Variants in BBS9 observed in about 807,000 individuals in gnomAD.
BBS9 encodes Bardet-Biedl syndrome 9, also known as protein PTHB1.
BBS9 carries 89 observed loss-of-function variants against 117.7 expected under a neutral mutation model. The ratio of observed to expected loss-of-function variants is 0.76; its 90% CI spans 0.64 to 0.90. The LOEUF is 0.90. BBS9 is among the 40% of genes least tolerant of loss of function. The pLI is 0.00. For missense variants in BBS9, 982 were observed against 1,042.2 expected, an observed-to-expected ratio of 0.94 and a Z score of 0.80; for synonymous variants, 379 against 370.9, an observed-to-expected ratio of 1.02 and a Z score of -0.25.
intron 16 of BBS9, among the ~76,000 whole-genome samples, chr7:33,361,635 A>G (rs2062144342): frequency 6.6e-6 from 1 of 152,282 alleles, no homozygotes; most frequent in East Asian, 1.9e-4. Flanking sequence ...TTCATTTTTA[A>G]CTTGAATTTC....
intron 21 of BBS9, among the ~76,000 whole-genome samples, chr7:33,634,100 C>T (rs117658215): frequency 0.017 from 2,575 of 152,334 alleles, 41 homozygotes; most frequent in South Asian, 0.091. Context: ...ATCTTCCTCA[C>T]GCAGGCCCGT....
At chr7:33,213,322 G>T (rs979624322) in intron 5 of BBS9, among the ~76,000 whole-genome samples, 2 of 152,146 alleles carry the variant, frequency 1.3e-5, no homozygotes, top group Non-Finnish European at 2.9e-5. Flanking sequence ...TAAAGTCCAA[G>T]GTCTCTTCAG....
chr7:33,187,939 A>G (rs1485427136), intron 5 of BBS9, among the ~76,000 whole-genome samples: 1 of 152,040 alleles, frequency 6.6e-6, no homozygotes, highest in African/African-American at 2.4e-5. Flanking sequence ...GAAAAAAGAC[A>G]GTTTATGTTC....
intron 5 of BBS9, among the ~76,000 whole-genome samples, chr7:33,195,346 C>G (rs1226350012): frequency 3.3e-5 from 5 of 152,100 alleles, no homozygotes; most frequent in Non-Finnish European, 7.4e-5. Flanking sequence ...ATTATTCTAG[C>G]CAACTTCTAA....
intron 9 of BBS9, among the ~76,000 whole-genome samples, chr7:33,313,389 T>C (rs1809737415): frequency 6.6e-6 from 1 of 152,224 alleles, no homozygotes; most frequent in African/African-American, 2.4e-5. Flanking sequence ...TTTATAAACA[T>C]ATTTTGCTTC....
Position 33,384,413 on chromosome 7 carries a change from A to G in BBS9, c.1962+575A>G, listed in dbSNP as rs868302424. On this transcript the variant is annotated intron_variant, in intron 18 of 22. Transcript: ENST00000242067. ...TTCTTTGGAAGTGCCTTCAGAGCCT[A>G]TGTTAGATTCTCTTGAGTATTTCAA... Among the ~76,000 whole-genome samples the G allele has an allele frequency of 7.9e-5, 12 of 152,280 alleles. 1 individual carries two copies. The Middle Eastern group carries it at 0.014, about 173-fold the overall frequency.
intron 19 of BBS9, among the ~76,000 whole-genome samples, chr7:33,413,608 T>C (rs1007699175): frequency 6.6e-6 from 1 of 152,192 alleles, no homozygotes; most frequent in African/African-American, 2.4e-5. Context: ...TGGTCTTGTC[T>C]TACAAGACCA....
At chr7:33,378,089 A>G (rs1174663080) in intron 17 of BBS9, among the ~76,000 whole-genome samples, 1 of 152,310 alleles carries the variant, frequency 6.6e-6, no homozygotes, top group African/African-American at 2.4e-5. Context: ...TACCATTAGT[A>G]CTATCCACTG....
chr7:33,392,954 C>T (rs1242307472), intron 19 of BBS9, among the ~76,000 whole-genome samples: 2 of 151,966 alleles, frequency 1.3e-5, no homozygotes, highest in South Asian at 4.1e-4. Flanking sequence ...TCCCTTGAGC[C>T]CAGGAGTTTG....
intron 19 of BBS9, among the ~76,000 whole-genome samples, chr7:33,406,228 C>CT (rs1365170637): frequency 6.6e-6 from 1 of 152,050 alleles, no homozygotes; most frequent in African/African-American, 2.4e-5. Context: ...AATTTCTGTT[C>CT]TTTTACATTT....
rs116004828 is a variant in BBS9 at position 33,236,849 on chromosome 7, G to A, written c.443-20387G>A. On this transcript the variant is annotated intron_variant, in intron 5 of 22. Transcript: ENST00000242067. ...CATTATTATTAACTGTGGTCACTGCGCAGTACAATAGATCATTAAAACTTA... is the reference window on the plus strand; with the variant it reads ...CATTATTATTAACTGTGGTCACTGCACAGTACAATAGATCATTAAAACTTA... Among the ~76,000 whole-genome samples, 1,187 of 151,908 alleles carry A rather than the reference G, an allele frequency of 7.8e-3. 19 individuals are homozygous for A. Among genetic ancestry groups the A allele is most frequent in the African/African-American group, 0.027 (1,130 of 41,454 alleles).
chr7:33,174,606 C>G (rs771220260), intron 4 of BBS9, among the ~76,000 whole-genome samples: 1 of 152,126 alleles, frequency 6.6e-6, no homozygotes, highest in Admixed American at 6.5e-5. Flanking sequence ...GGCCAAAACT[C>G]GATGATTGGC....
chr7:33,171,972 T>C (rs1796645036), intron 4 of BBS9, among the ~76,000 whole-genome samples: 1 of 151,648 alleles, frequency 6.6e-6, no homozygotes, highest in Admixed American at 6.6e-5. Context: ...CTGTGAAGAC[T>C]ATATCTGGAG....
intron 5 of BBS9, among the ~76,000 whole-genome samples, chr7:33,214,710 C>G (rs1354285044): frequency 6.6e-6 from 1 of 152,110 alleles, no homozygotes; most frequent in African/African-American, 2.4e-5. Context: ...GCCACACACA[C>G]AAAACAGAAA....
At chr7:33,577,613 T>C (rs1859143400) in intron 21 of BBS9, among the ~76,000 whole-genome samples, 3 of 152,232 alleles carry the variant, frequency 2.0e-5, no homozygotes, top group Admixed American at 1.3e-4. Flanking sequence ...GTATGTTTAT[T>C]GTGGCACTAT....
chr7:33,180,098 T>C (rs1167464269), intron 5 of BBS9, among the ~76,000 whole-genome samples: 1 of 152,140 alleles, frequency 6.6e-6, no homozygotes, highest in Non-Finnish European at 1.5e-5. Flanking sequence ...AAGTCACCTT[T>C]AGTTACCTGT....
Position 33,520,014 on chromosome 7 carries a change from T to A in BBS9, c.2299-13940T>A, listed in dbSNP as rs1186772545. The stretch of plus-strand genomic sequence containing the variant: ...GCACATAAGAGGTCTGAAATAGGTT[T>A]TTTTTTTTTTTTTGGATGGAGTCTT... On this transcript the variant is annotated intron_variant, in intron 20 of 22. Transcript: ENST00000242067. 4.0e-5 allele frequency among the ~76,000 whole-genome samples: 6 copies of A among 151,316 alleles called. No homozygotes were observed. The East Asian group carries it at 1.2e-3, about 29-fold the overall frequency.
At chr7:33,526,984 C>T (rs1234089877) in intron 20 of BBS9, among the ~76,000 whole-genome samples, 1 of 148,950 alleles carries the variant, frequency 6.7e-6, no homozygotes, top group Non-Finnish European at 1.5e-5. Context: ...CCCTCAGCTG[C>T]AGGTCTGTTG....
chr7:33,489,571 T>C (rs1843622758), intron 19 of BBS9, among the ~76,000 whole-genome samples: 1 of 152,138 alleles, frequency 6.6e-6, no homozygotes, highest in South Asian at 2.1e-4. Flanking sequence ...AATCAACTTC[T>C]GATATACCAG....
Sources: gnomAD v4.1 joint callset for allele counts (sites outside exome capture counted in the v4.1 genomes callset) on GRCh38, gnomAD v4.1.1 for gene constraint, MANE v1.5 for transcripts, NCBI Gene and HGNC (gene_info 2026-07-23, HGNC 2026-07-21) for gene names.